FUT8: variants seen among roughly 807,000 people sequenced by gnomAD.
FUT8 encodes the protein alpha-(1,6)-fucosyltransferase.
Under a neutral mutation model 71.3 loss-of-function variants are expected in FUT8, and 29 were observed. The ratio of observed to expected loss-of-function variants is 0.41; its 90% CI spans 0.30 to 0.55. The LOEUF (loss-of-function observed/expected upper bound fraction) is 0.55. Ranked by LOEUF, FUT8 falls within the 20% of genes least tolerant of loss-of-function variation. FUT8 has a pLI of 0.34. For missense variants in FUT8, 544 were observed against 702.1 expected (o/e 0.77, Z 2.55); for synonymous variants, 254 against 239.3 (o/e 1.06, Z -0.57).
chr14:65,558,461 C>G (rs1885719632), intron 2 of FUT8, among the ~76,000 whole-genome samples: 1 of 151,904 alleles, frequency 6.6e-6, no homozygotes, highest in African/African-American at 2.4e-5. Flanking sequence ...GAACCATTTC[C>G]TTATAATAGC....
chr14:65,357,393 A>C, the FUT8 span, among the ~76,000 whole-genome samples: 3 of 152,250 alleles, frequency 2.0e-5, no homozygotes, highest in South Asian at 6.2e-4. Context: ...ATGAGACAAT[A>C]GCTGTAAAAC....
intron 2 of FUT8, among the ~76,000 whole-genome samples, chr14:65,535,355 C>T (rs2139931699): frequency 6.6e-6 from 1 of 152,250 alleles, no homozygotes; most frequent in East Asian, 1.9e-4. Flanking sequence ...CCTGCCTTGG[C>T]CTCCCAAAGT....
At chr14:65,412,605 A>G (rs1251110727), upstream of FUT8, 6 of 304,470 alleles carry the variant, frequency 2.0e-5, no homozygotes, top group Non-Finnish European at 3.2e-5. Context: ...TACGCTCTCC[A>G]CCGGCGCAGC....
At position 65,734,473 on chromosome 14, in the gene FUT8, A is replaced by G. The variant is rs551400005; in HGVS notation, c.1410+1092A>G. 3.1e-4 allele frequency among the ~76,000 whole-genome samples: 47 copies of G among 152,292 alleles called. 1 individual carries two copies. The South Asian group carries it at 8.7e-3, about 28-fold the overall frequency. On this transcript the variant is annotated intron_variant, in intron 10 of 10. Coordinates refer to ENST00000673929, the MANE Select transcript of FUT8 (RefSeq NM_001371533.1). ...GGAATAAGAATACAACTTACTACCC[A>G]AAGATAGCTGCACAGAACACGTAGC...
At chr14:65,517,361 G>T (rs1882782397) in intron 2 of FUT8, among the ~76,000 whole-genome samples, 1 of 152,128 alleles carries the variant, frequency 6.6e-6, no homozygotes, top group Non-Finnish European at 1.5e-5. Flanking sequence ...ACAATATCAT[G>T]AAACTATTGT....
chr14:65,447,891 G>T (rs548805032), intron 1 of FUT8, among the ~76,000 whole-genome samples: 51 of 152,136 alleles, frequency 3.4e-4, no homozygotes, highest in South Asian at 8.3e-4. Flanking sequence ...TTCTGTTTCG[G>T]GATTAGTTTC....
Position 65,472,551 on chromosome 14 carries a change from A to G in FUT8, c.-228+16833A>G, listed in dbSNP as rs1336433134. 6.6e-6 allele frequency among the ~76,000 whole-genome samples: 1 copy of G among 151,714 alleles called. No homozygotes were observed. Among genetic ancestry groups the G allele is most frequent in the African/African-American group, 2.4e-5 (1 of 41,282 alleles). On this transcript the variant is annotated intron_variant, in intron 2 of 10. Coordinates refer to ENST00000673929, the MANE Select transcript of FUT8 (RefSeq NM_001371533.1). The surrounding 1 kb of genome is among the most constrained non-coding windows in gnomAD (Gnocchi z 4.4). ...TTGATGGCCAAAGGTTTATTTTTAT[A>G]TTCTTATACTGTAAAAAAAAAAACA...
At position 65,489,217 on chromosome 14, in the gene FUT8, G is replaced by T. The variant is rs1042173041; in HGVS notation, c.-228+33499G>T. Among the ~76,000 whole-genome samples, 1 of 151,980 alleles carries T rather than the reference G, an allele frequency of 6.6e-6. No homozygotes were observed. The highest frequency in any genetic ancestry group is 2.4e-5 in the African/African-American group (1 of 41,398). On this transcript the variant is annotated intron_variant, in intron 2 of 10. Transcript: ENST00000673929. The surrounding 1 kb of genome is among the most constrained non-coding windows in gnomAD (Gnocchi z 4.0). Reference sequence around the variant, plus strand: ...AGAACAGATTTATCTAACACTAAACGGTCACTGGCAAGAACCTTTTCTTTG... The same window carrying T: ...AGAACAGATTTATCTAACACTAAACTGTCACTGGCAAGAACCTTTTCTTTG...
At chr14:65,369,911 C>A in the FUT8 span, among the ~76,000 whole-genome samples, 1 of 152,146 alleles carries the variant, frequency 6.6e-6, no homozygotes, top group African/African-American at 2.4e-5. This position sits in a 1 kb window ranked among gnomAD's most constrained non-coding sequence, Gnocchi z 4.6. Flanking sequence ...CATAAACTTG[C>A]TTTCACTTTA....
intron 2 of FUT8, among the ~76,000 whole-genome samples, chr14:65,461,741 G>A (rs1594656074): frequency 6.6e-6 from 1 of 152,200 alleles, no homozygotes; most frequent in Non-Finnish European, 1.5e-5. Context: ...CAATCACTGA[G>A]ACAATGAGTA....
chr14:65,461,596 G>T (rs188807796), intron 2 of FUT8, among the ~76,000 whole-genome samples: 8 of 152,300 alleles, frequency 5.3e-5, no homozygotes, highest in Admixed American at 3.3e-4. Flanking sequence ...AAGAAAACCA[G>T]TCTGGAAGTC....
rs1010792150 is a variant in FUT8, at chr14:65,627,869, A to G, written c.483-1623A>G. Among the ~76,000 whole-genome samples, 1 of 152,088 alleles carries G rather than the reference A, an allele frequency of 6.6e-6. No homozygotes were observed. Among genetic ancestry groups the G allele is most frequent in the African/African-American group, 2.4e-5 (1 of 41,420 alleles). Reference sequence around the variant, plus strand: ...ACTAGTTAAATTATTTTAGAGAGATACTTTAACAACTGCCTGACCATCACC... The same window carrying G: ...ACTAGTTAAATTATTTTAGAGAGATGCTTTAACAACTGCCTGACCATCACC... On this transcript the variant is annotated intron_variant, in intron 5 of 10. Coordinates refer to ENST00000673929, the MANE Select transcript of FUT8 (RefSeq NM_001371533.1). This position sits in a 1 kb window ranked among gnomAD's most constrained non-coding sequence, Gnocchi z 4.0.
At chr14:65,693,187 A>G (rs1412104943) in intron 7 of FUT8, among the ~76,000 whole-genome samples, 2 of 152,238 alleles carry the variant, frequency 1.3e-5, no homozygotes, top group African/African-American at 4.8e-5. Context: ...GCGAGCCGAG[A>G]TCACGCCACT....
At chr14:65,505,198 A>AT (rs933525504) in intron 2 of FUT8, among the ~76,000 whole-genome samples, 2 of 150,590 alleles carry the variant, frequency 1.3e-5, no homozygotes, top group African/African-American at 4.9e-5. Context: ...ATTAGTCTTA[A>AT]TTTTTTTCCT....
intron 2 of FUT8, among the ~76,000 whole-genome samples, chr14:65,529,901 T>C (rs7143112): frequency 0.074 from 11,224 of 152,168 alleles, 492 homozygotes; most frequent in Admixed American, 0.12. Flanking sequence ...CAAGGATTCA[T>C]TGAGGACTCT....
At chr14:65,384,080 T>C in the FUT8 span, among the ~76,000 whole-genome samples, 4 of 152,158 alleles carry the variant, frequency 2.6e-5, no homozygotes, top group East Asian at 7.7e-4. The surrounding 1 kb of genome is among the most constrained non-coding windows in gnomAD (Gnocchi z 4.2). Context: ...AGCCAGTGTC[T>C]TTCACTGGCC....
chr14:65,612,245 T>A (rs1291667214), intron 3 of FUT8, among the ~76,000 whole-genome samples: 1 of 152,214 alleles, frequency 6.6e-6, no homozygotes. Flanking sequence ...GATGTAGTTA[T>A]GTTATTTTAA....
At chr14:65,530,000 T>A (rs1883827952) in intron 2 of FUT8, among the ~76,000 whole-genome samples, 1 of 152,192 alleles carries the variant, frequency 6.6e-6, no homozygotes, top group African/African-American at 2.4e-5. Flanking sequence ...TTTTCTTTCC[T>A]GGAAATTGGT....
chr14:65,542,894 AGC>A (rs1446727406), intron 2 of FUT8, among the ~76,000 whole-genome samples: 1 of 152,040 alleles, frequency 6.6e-6, no homozygotes, highest in Non-Finnish European at 1.5e-5. Context: ...GCGATTATCC[AGC>A]CTCAGCCTCC....
Sources: gnomAD v4.1 joint callset for allele counts (sites outside exome capture counted in the v4.1 genomes callset) on GRCh38, gnomAD v4.1.1 for gene constraint, Gnocchi (gnomAD v3.1) non-coding constraint, MANE v1.5 for transcripts, NCBI Gene and HGNC (gene_info 2026-07-23, HGNC 2026-07-21) for gene names.